Variants in RASGRF2 observed in about 807,000 individuals in gnomAD.
RASGRF2 encodes ras-specific guanine nucleotide-releasing factor 2.
Under a neutral mutation model 151.0 loss-of-function variants are expected in RASGRF2, and 76 were observed. That is an observed-to-expected ratio of 0.50 (90% CI 0.42 to 0.61). RASGRF2 has a LOEUF of 0.61. RASGRF2 is among the 20% of genes least tolerant of loss of function. The pLI, the probability that RASGRF2 is intolerant of heterozygous loss-of-function variation, is 0.00. For missense variants in RASGRF2, 1,148 were observed against 1,564.6 expected (o/e 0.73, Z 4.49); for synonymous variants, 504 against 566.5 (o/e 0.89, Z 1.57).
intron 18 of RASGRF2, among the ~76,000 whole-genome samples, chr5:81,195,917 T>C (rs555985151): frequency 6.6e-6 from 1 of 152,238 alleles, no homozygotes; most frequent in African/African-American, 2.4e-5. Flanking sequence ...GACCATGAGA[T>C]TATGGTTCCT....
intron 1 of RASGRF2, among the ~76,000 whole-genome samples, chr5:81,032,204 G>A (rs927268833): frequency 1.3e-5 from 2 of 152,096 alleles, no homozygotes; most frequent in Admixed American, 6.5e-5. Context: ...ATTCACAGCC[G>A]AATTCTACCA....
chr5:80,986,313 A>C (rs1490532193), intron 1 of RASGRF2, among the ~76,000 whole-genome samples: 3 of 152,202 alleles, frequency 2.0e-5, no homozygotes, highest in Non-Finnish European at 4.4e-5. Context: ...GTCCCAACCA[A>C]GCACTCTGGA....
intron 1 of RASGRF2, among the ~76,000 whole-genome samples, chr5:80,993,131 T>C (rs139322438): frequency 6.6e-6 from 1 of 152,172 alleles, no homozygotes; most frequent in Non-Finnish European, 1.5e-5. Flanking sequence ...ATAATGTCTA[T>C]GCATAATTTA....
chr5:81,057,093 G>T (rs1442587373), intron 2 of RASGRF2, among the ~76,000 whole-genome samples: 1 of 152,168 alleles, frequency 6.6e-6, no homozygotes, highest in Non-Finnish European at 1.5e-5. Flanking sequence ...CAATTTGCCA[G>T]TCTGTGTCTT....
chr5:81,095,618 A>G (rs1302161867), intron 12 of RASGRF2, among the ~76,000 whole-genome samples: 1 of 152,214 alleles, frequency 6.6e-6, no homozygotes, highest in East Asian at 1.9e-4. Flanking sequence ...CTCCATATGA[A>G]TTTTGGCTCT....
In RASGRF2 at chr5:81,044,247, G is replaced by A. The variant is rs559689704; in HGVS notation, c.395+1264G>A. 2.7e-4 allele frequency among the ~76,000 whole-genome samples: 41 copies of A among 152,174 alleles called. No homozygotes were observed. The South Asian group carries it at 7.7e-3, about 29-fold the overall frequency. On this transcript the variant is annotated intron_variant, in intron 2 of 26. Transcript: ENST00000265080. ...AGCCTGGCCAACATGGTGAAACCCC[G>A]TCTCTACTAAAAATATAAAAATTAG...
chr5:81,091,701 CT>C (rs1289570272), intron 9 of RASGRF2, among the ~76,000 whole-genome samples: 1 of 151,878 alleles, frequency 6.6e-6, no homozygotes, highest in Non-Finnish European at 1.5e-5. Context: ...ATATGGAGAA[CT>C]TTAGTGGTCT....
chr5:81,165,734 C>T (rs1754490991), intron 17 of RASGRF2, among the ~76,000 whole-genome samples: 1 of 152,198 alleles, frequency 6.6e-6, no homozygotes, highest in Non-Finnish European at 1.5e-5. Flanking sequence ...CTGCTCGTGC[C>T]AAAGCTTTGA....
At chr5:80,996,469 A>T (rs1748865348) in intron 1 of RASGRF2, among the ~76,000 whole-genome samples, 1 of 73,396 alleles carries the variant, frequency 1.4e-5, no homozygotes. Flanking sequence ...AAATGTGTAA[A>T]GTTTCTTCTT....
intron 13 of RASGRF2, among the ~76,000 whole-genome samples, chr5:81,111,436 A>AGTGGATTGCAGGG (rs1561211109): frequency 6.6e-6 from 1 of 152,066 alleles, no homozygotes; most frequent in African/African-American, 2.4e-5. Flanking sequence ...GGATTGCAGG[A>AGTGGATTGCAGGG]TGGCAGTGGT....
intron 1 of RASGRF2, among the ~76,000 whole-genome samples, chr5:80,987,826 CT>C (rs1170328564): frequency 6.6e-6 from 1 of 152,170 alleles, no homozygotes; most frequent in African/African-American, 2.4e-5. Context: ...CTTTTTGCCT[CT>C]GTTTTTGATC....
At chr5:81,150,389 C>T (rs1385145897) in intron 17 of RASGRF2, among the ~76,000 whole-genome samples, 2 of 152,186 alleles carry the variant, frequency 1.3e-5, no homozygotes, top group Admixed American at 1.3e-4. Context: ...ATGTGCAGTT[C>T]TTAGCTCAGC....
At chr5:81,217,574 CTTT>C (rs71603577) in intron 25 of RASGRF2, 101 bp downstream of exon 25, 3,914 of 180,682 alleles carry the variant, frequency 0.022, 14 homozygotes, top group Middle Eastern at 0.037. Context: ...TTTTTCTCTT[CTTT>C]TTTTTTTTTT....
At chr5:81,116,873 T>C (rs1166080969) in intron 15 of RASGRF2, among the ~76,000 whole-genome samples, 1 of 152,222 alleles carries the variant, frequency 6.6e-6, no homozygotes, top group African/African-American at 2.4e-5. Context: ...GAATTTCCTT[T>C]TTTAATAGGT....
chr5:81,050,731 C>A (rs1434503688), intron 2 of RASGRF2, among the ~76,000 whole-genome samples: 2 of 152,208 alleles, frequency 1.3e-5, no homozygotes, highest in Admixed American at 1.3e-4. Context: ...CCATTCCCTT[C>A]TTTGAGCCCT....
rs573260180 is a variant in RASGRF2 at position 81,143,648 on chromosome 5, T to C, written c.2686+16485T>C. On this transcript the variant is annotated intron_variant, in intron 17 of 26. Transcript: ENST00000265080. Reference sequence around the variant, plus strand: ...GGTGCACGCCTATAATCCCAGCACTTTGGGAGGCCGAGGCGGGCGGATCAT... The same window carrying C: ...GGTGCACGCCTATAATCCCAGCACTCTGGGAGGCCGAGGCGGGCGGATCAT... 3.3e-5 allele frequency among the ~76,000 whole-genome samples: 5 copies of C among 151,788 alleles called. No homozygotes were observed. In the East Asian group the frequency reaches 5.8e-4, roughly 18 times the overall value.
intron 24 of RASGRF2, among the ~76,000 whole-genome samples, chr5:81,216,367 ACG>A (rs1491258205): frequency 0.012 from 1,091 of 90,386 alleles, 7 homozygotes; most frequent in South Asian, 0.043. Flanking sequence ...ACACACACAC[ACG>A]CACACACACA....
intron 3 of RASGRF2, 153 bp from the exon 4 acceptor site, chr5:81,070,339 C>G (rs1751734503): frequency 1.6e-6 from 1 of 621,210 alleles, no homozygotes; most frequent in Non-Finnish European, 2.9e-6. Context: ...GTTCATGTTT[C>G]CCCCATCTCA....
intron 1 of RASGRF2, among the ~76,000 whole-genome samples, chr5:81,003,235 T>C (rs1749138724): frequency 6.7e-6 from 1 of 148,318 alleles, no homozygotes; most frequent in African/African-American, 2.5e-5. Flanking sequence ...TTTTTTTTTT[T>C]TTTTTGAGAC....
Sources: gnomAD v4.1 joint callset for allele counts (sites outside exome capture counted in the v4.1 genomes callset) on GRCh38, gnomAD v4.1.1 for gene constraint, MANE v1.5 for transcripts, NCBI Gene and HGNC (gene_info 2026-07-23, HGNC 2026-07-21) for gene names.